Variants in LTBP1 observed in about 807,000 individuals in gnomAD.
The protein encoded by LTBP1 is latent transforming growth factor beta binding protein 1.
LTBP1 carries 129 observed loss-of-function variants against 207.6 expected under a neutral mutation model. The observed-to-expected ratio is 0.62, with a 90% CI of 0.54 to 0.72. The LOEUF is 0.72. Ranked by LOEUF, LTBP1 falls within the 30% of genes least tolerant of loss-of-function variation. The pLI, the probability that LTBP1 is intolerant of heterozygous loss-of-function variation, is 0.00. For synonymous variants in LTBP1, 963 were observed against 833.7 expected (o/e 1.16, Z -2.67); for missense variants, 2,281 against 2,217.2 (o/e 1.03, Z -0.58).
chr2:33,333,909 A>G (rs891094802), intron 24 of LTBP1, among the ~76,000 whole-genome samples: 1 of 152,152 alleles, frequency 6.6e-6, no homozygotes, highest in Non-Finnish European at 1.5e-5. Context: ...AGAAATGCCA[A>G]CATATAGGGG....
At chr2:33,127,204 T>A (rs2081482104) in intron 4 of LTBP1, among the ~76,000 whole-genome samples, 1 of 152,124 alleles carries the variant, frequency 6.6e-6, no homozygotes, top group African/African-American at 2.4e-5. Flanking sequence ...AGGTTTTGGT[T>A]TTCTTCTCTG....
chr2:33,366,678 C>G (rs1465626161), intron 31 of LTBP1, among the ~76,000 whole-genome samples: 1 of 152,188 alleles, frequency 6.6e-6, no homozygotes, highest in African/African-American at 2.4e-5. Flanking sequence ...CTGTACAGCT[C>G]ATTTGTAAAA....
chr2:33,390,167 G>C (rs1225136935), intron 32 of LTBP1, among the ~76,000 whole-genome samples: 1 of 152,156 alleles, frequency 6.6e-6, no homozygotes, highest in African/African-American at 2.4e-5. Flanking sequence ...CATTGGTGAG[G>C]GGATTTATGG....
At chr2:33,137,552 A>G (rs1230952779) in intron 5 of LTBP1, among the ~76,000 whole-genome samples, 3 of 152,234 alleles carry the variant, frequency 2.0e-5, no homozygotes, top group Admixed American at 1.3e-4. Context: ...TGTTACAAAA[A>G]CATTTGTTGG....
rs574180236 is a variant in LTBP1 at position 33,137,325 on chromosome 2, T to G, written c.1201+2365T>G. ...AAAATAGTTTAAAATTTGGGAAAAA[T>G]TCAAAATTTACTGTCACTTGTCAGC... is the stretch of plus-strand genomic sequence containing the variant. On this transcript the variant is annotated intron_variant, in intron 5 of 33. Transcript: ENST00000404816. 3.3e-5 allele frequency among the ~76,000 whole-genome samples: 5 copies of G among 152,302 alleles called. No individual in the cohort carries two copies. In the South Asian group the frequency reaches 1.0e-3, roughly 32 times the overall value.
chr2:33,318,753 A>G (rs1449166006), intron 24 of LTBP1, among the ~76,000 whole-genome samples: 1 of 152,202 alleles, frequency 6.6e-6, no homozygotes, highest in Non-Finnish European at 1.5e-5. Flanking sequence ...AAAACAAAGG[A>G]AACTTTTTCT....
At position 33,379,684 on chromosome 2, in the gene LTBP1, A is replaced by G. The variant is rs147744759; in HGVS notation, c.4712-9500A>G. On this transcript the variant is annotated intron_variant, in intron 31 of 33. Transcript: ENST00000404816. ...TGGCAGAATACAAAGAAATCATAAA[A>G]CAGAATCAGGATTTCAAGATAGTCC... Among the ~76,000 whole-genome samples the G allele has an allele frequency of 2.4e-3, 371 of 152,302 alleles. 1 individual carries two copies. Among genetic ancestry groups the G allele is most frequent in the African/African-American group, 8.4e-3 (351 of 41,566 alleles).
At chr2:33,045,920 A>G (rs767787438) in intron 3 of LTBP1, among the ~76,000 whole-genome samples, 3 of 151,942 alleles carry the variant, frequency 2.0e-5, no homozygotes, top group African/African-American at 4.8e-5. Flanking sequence ...CTGTCTGTCT[A>G]TTATTGGTGT....
At chr2:33,287,906 G>A (rs193181793) in intron 19 of LTBP1, among the ~76,000 whole-genome samples, 5 of 152,118 alleles carry the variant, frequency 3.3e-5, no homozygotes, top group African/African-American at 1.2e-4. Flanking sequence ...CTCTCATTTT[G>A]CCATGCTTGC....
At chr2:32,955,623 T>TC (rs1263064874) in intron 2 of LTBP1, among the ~76,000 whole-genome samples, 2 of 101,160 alleles carry the variant, frequency 2.0e-5, no homozygotes. Context: ...GGTGTTTTTT[T>TC]CCACAAATTT....
chr2:33,194,144 G>A (rs1030961111), intron 7 of LTBP1, among the ~76,000 whole-genome samples: 12 of 151,984 alleles, frequency 7.9e-5, no homozygotes, highest in Admixed American at 1.3e-4. Context: ...CCGCCACCAC[G>A]CCCGGGTAAT....
rs1184656636 is a variant in LTBP1 at position 33,080,027 on chromosome 2, G to GT, written c.864-30551dup. Among the ~76,000 whole-genome samples, 6 of 151,786 alleles carry GT rather than the reference G, an allele frequency of 4.0e-5. No individual in the cohort carries two copies. In the South Asian group the frequency reaches 6.2e-4, roughly 16 times the overall value. ...AAGGCAGAGACCACTTTTTTGTTTT[G>GT]TTTTGTTTTGTTTTTTTGAGACAGA... On this transcript the variant is annotated intron_variant, in intron 3 of 33. Coordinates refer to ENST00000404816, the MANE Select transcript of LTBP1 (RefSeq NM_206943.4).
intron 2 of LTBP1, among the ~76,000 whole-genome samples, chr2:33,012,270 G>T (rs1444785912): frequency 6.7e-6 from 1 of 150,084 alleles, no homozygotes; most frequent in Non-Finnish European, 1.5e-5. Context: ...ACAGAGCTGG[G>T]ATGGGGTGGG....
At chr2:33,182,687 G>GAGATATATAATATATATATATATATAT (rs1469125010) in intron 5 of LTBP1, among the ~76,000 whole-genome samples, 7 of 66,996 alleles carry the variant, frequency 1.0e-4, no homozygotes, top group Non-Finnish European at 1.9e-4. Context: ...AAAAGATGGT[G>GAGATATATAATATATATATATATATAT]ATATATATAT....
chr2:33,337,315 C>A (rs796289002), intron 24 of LTBP1, among the ~76,000 whole-genome samples: 3 of 152,254 alleles, frequency 2.0e-5, no homozygotes, highest in African/African-American at 7.2e-5. Context: ...CCAAGTAGAT[C>A]AATAAAGACC....
chr2:33,150,484 T>C (rs1364448995), intron 5 of LTBP1, among the ~76,000 whole-genome samples: 1 of 152,050 alleles, frequency 6.6e-6, no homozygotes, highest in Non-Finnish European at 1.5e-5. Flanking sequence ...ATTCATAATT[T>C]TGTTCAGCCA....
chr2:32,953,029 T>C (rs1237070535), intron 2 of LTBP1, among the ~76,000 whole-genome samples: 1 of 152,240 alleles, frequency 6.6e-6, no homozygotes, highest in Non-Finnish European at 1.5e-5. Context: ...TTTTACTCAC[T>C]TAACTCGTGG....
intron 20 of LTBP1, among the ~76,000 whole-genome samples, chr2:33,298,374 T>C (rs2093921020): frequency 1.3e-5 from 2 of 152,214 alleles, no homozygotes; most frequent in Non-Finnish European, 2.9e-5. Flanking sequence ...CATAGCCTGA[T>C]AGTCCTTGGA....
At chr2:33,141,234 A>G (rs1424711157) in intron 5 of LTBP1, among the ~76,000 whole-genome samples, 1 of 152,210 alleles carries the variant, frequency 6.6e-6, no homozygotes, top group African/African-American at 2.4e-5. Context: ...TGAGATGCCT[A>G]AAGTAGTCAA....
Sources: gnomAD v4.1 joint callset for allele counts (sites outside exome capture counted in the v4.1 genomes callset) on GRCh38, gnomAD v4.1.1 for gene constraint, MANE v1.5 for transcripts, NCBI Gene and HGNC (gene_info 2026-07-23, HGNC 2026-07-21) for gene names.